The following CHEK1 variants were observed in gnomAD, a reference collection of about 807,000 sequenced individuals.
CHEK1 encodes serine/threonine-protein kinase Chk1.
Under a neutral mutation model 60.2 loss-of-function variants are expected in CHEK1, and 32 were observed. The observed-to-expected ratio is 0.53, with a 90% CI of 0.40 to 0.71. The LOEUF (loss-of-function observed/expected upper bound fraction) is 0.71, where lower values mean the gene tolerates loss of function less well. Among genes scored for constraint, CHEK1 ranks in the 30% least tolerant of loss-of-function variants. The probability of loss-of-function intolerance (pLI) is 0.00; values close to 1 mark genes in which losing one functional copy is unlikely to be tolerated. For missense variants in CHEK1, 399 were observed against 564.6 expected, an observed-to-expected ratio of 0.71 and a Z score of 2.97; for synonymous variants, 179 against 187.2, an observed-to-expected ratio of 0.96 and a Z score of 0.36.
downstream of CHEK1, among the ~76,000 whole-genome samples, chr11:125,657,996 A>G (rs1399735557): frequency 6.6e-6 from 1 of 152,226 alleles, no homozygotes; most frequent in African/African-American, 2.4e-5. Context: ...TAGCAACAGA[A>G]TGTATTTCTA....
intron 13 of CHEK1, among the ~76,000 whole-genome samples, chr11:125,665,260 T>A (rs1451116093): frequency 5.3e-5 from 8 of 151,234 alleles, no homozygotes; most frequent in Non-Finnish European, 4.4e-5. Flanking sequence ...TCCTTGATTC[T>A]ATTGATGTTG....
At chr11:125,632,077 G>A (rs558997939) in intron 5 of CHEK1, among the ~76,000 whole-genome samples, 140 of 152,084 alleles carry the variant, frequency 9.2e-4, no homozygotes, top group African/African-American at 3.3e-3. Context: ...TATAAAAATT[G>A]CGTCATGCTA....
rs540396119 is a variant in CHEK1, at chr11:125,626,852, G to A, written c.65+19G>A. ...ATGGAGAGTGAGTTCTTTTAAGCTT[G>A]CCTTCGTTTTCTGAGTGCATATTCA... On this transcript the variant is annotated intron_variant, in intron 2 of 12. Coordinates refer to ENST00000438015, the MANE Select transcript of CHEK1 (RefSeq NM_001114122.3). 5.4e-5 allele frequency: 87 copies of A among 1,613,792 alleles called. No homozygotes were observed. The highest frequency in any genetic ancestry group is 4.9e-4 in the East Asian group (22 of 44,876).
chr11:125,636,141 A>G (rs1941067051), intron 7 of CHEK1: 1 of 152,308 alleles, frequency 6.6e-6, no homozygotes, highest in African/African-American at 2.4e-5. Flanking sequence ...TGACTGAAAC[A>G]TCATTAATGT....
intron 3 of CHEK1, 36 bp downstream of exon 3, chr11:125,627,866 G>T: frequency 6.9e-7 from 1 of 1,440,990 alleles, no homozygotes; most frequent in Non-Finnish European, 9.3e-7. Context: ...TTTTAAACAA[G>T]TTTTTAAATT....
chr11:125,647,104 C>T lies in CHEK1; in HGVS notation c.1233+2461C>T, dbSNP rs559639181. On this transcript the variant is annotated intron_variant, in intron 11 of 12. Transcript: ENST00000438015. Reference sequence around the variant, plus strand: ...TTAGGAGTCCCAGCCTCCTAAGTAGCGGGGACTACAGTCTTAAAGTTTAGC... The same window carrying T: ...TTAGGAGTCCCAGCCTCCTAAGTAGTGGGGACTACAGTCTTAAAGTTTAGC... 1.3e-4 allele frequency among the ~76,000 whole-genome samples: 20 copies of T among 152,174 alleles called. No individual in the cohort carries two copies. In the Middle Eastern group the frequency reaches 0.014, roughly 104 times the overall value.
chr11:125,643,765 A>C (rs752271481), intron 8 of CHEK1, 27 bp from the exon 9 acceptor site: 3 of 1,574,920 alleles, frequency 1.9e-6, no homozygotes, highest in Non-Finnish European at 2.6e-6. Context: ...AAGACTTGAA[A>C]GCATTTGTAT....
At chr11:125,626,082 G>A (rs1940584288) in intron 1 of CHEK1, 70 bp downstream of exon 1, 2 of 666,730 alleles carry the variant, frequency 3.0e-6, no homozygotes, top group African/African-American at 1.8e-5. Flanking sequence ...ATTAGTGAGG[G>A]AGGGCATGGT....
At chr11:125,672,240 C>A (rs74524543) in intron 13 of CHEK1, 14,061 of 193,746 alleles carry the variant, frequency 0.073, 631 homozygotes, top group African/African-American at 0.13. Flanking sequence ...AATGCTTAAA[C>A]AATGCACCCA....
intron 5 of CHEK1, among the ~76,000 whole-genome samples, chr11:125,632,122 T>C (rs1025128440): frequency 2.6e-5 from 4 of 152,202 alleles, no homozygotes; most frequent in Admixed American, 2.6e-4. Flanking sequence ...TTTTATGCCA[T>C]TAGCCTTTTT....
downstream of CHEK1, among the ~76,000 whole-genome samples, chr11:125,677,302 G>A (rs964596894): frequency 2.0e-5 from 3 of 152,156 alleles, no homozygotes; most frequent in Non-Finnish European, 4.4e-5. Context: ...ACTAGCAGTT[G>A]TCCTAGGAAC....
downstream of CHEK1, among the ~76,000 whole-genome samples, chr11:125,659,599 TTA>T (rs1394654247): frequency 1.3e-5 from 2 of 152,184 alleles, no homozygotes; most frequent in Non-Finnish European, 2.9e-5. Flanking sequence ...TCTCAGATCT[TTA>T]TATGATTTAT....
chr11:125,671,504 A>G (rs1297124731), intron 13 of CHEK1: 1 of 152,196 alleles, frequency 6.6e-6, no homozygotes, highest in Non-Finnish European at 1.5e-5. Context: ...TGTTAGCAAT[A>G]TATTTTGGGG....
chr11:125,632,081 C>CATGCTATAATATTTTTT (rs1392084703), intron 5 of CHEK1, among the ~76,000 whole-genome samples: 1 of 152,012 alleles, frequency 6.6e-6, no homozygotes, highest in Non-Finnish European at 1.5e-5. Flanking sequence ...AAAATTGCGT[C>CATGCTATAATATTTTTT]ATGCTATAAT....
chr11:125,676,933 G>A (rs1942539736), downstream of CHEK1, among the ~76,000 whole-genome samples: 1 of 150,334 alleles, frequency 6.7e-6, no homozygotes, highest in Non-Finnish European at 1.5e-5. Flanking sequence ...TGTGAAGAGT[G>A]TGTCCTTCTC....
Position 125,627,753 on chromosome 11 carries a change from A to T in CHEK1, c.212A>T (p.Tyr71Phe), listed in dbSNP as rs141665265. 1 of 1,613,564 alleles carries T rather than the reference A, an allele frequency of 6.2e-7. No homozygotes were observed. Among genetic ancestry groups the T allele is most frequent in the Admixed American group, 1.7e-5 (1 of 60,028 alleles). Reference sequence around the variant, plus strand: ...AATCATGAAAATGTAGTAAAATTCTATGGTCACAGGAGAGAAGGCAATATC... The same window carrying T: ...AATCATGAAAATGTAGTAAAATTCTTTGGTCACAGGAGAGAAGGCAATATC... ...MLNHENVVKF[Y>F]GHRREGNIQY... Residue 71 changes from tyrosine (Y) to phenylalanine (F), a missense_variant, in exon 3 of 13, where the codon TAT becomes TTT. Physicochemically the swap from Tyr to Phe is conservative, Grantham distance 22. Around this residue, in one of 2 missense-constraint regions of CHEK1, gnomAD observed 370 missense variants for 494.8 expected, o/e 0.75. Coordinates refer to ENST00000438015, the MANE Select transcript of CHEK1 (RefSeq NM_001114122.3).
chr11:125,661,143 C>T (rs77000046), downstream of CHEK1, among the ~76,000 whole-genome samples: 12,019 of 152,132 alleles, frequency 0.079, 568 homozygotes, highest in African/African-American at 0.13. Flanking sequence ...TTTTAATTAT[C>T]TTAAAAATCC....
At chr11:125,654,057 G>A (rs1214198993) in intron 12 of CHEK1, among the ~76,000 whole-genome samples, 1 of 152,000 alleles carries the variant, frequency 6.6e-6, no homozygotes, top group Non-Finnish European at 1.5e-5. Context: ...TTTGCCAGGC[G>A]TGGTGGCTCA....
At chr11:125,645,998 C>A (rs1321215456) in intron 11 of CHEK1, among the ~76,000 whole-genome samples, 1 of 152,100 alleles carries the variant, frequency 6.6e-6, no homozygotes, top group African/African-American at 2.4e-5. Flanking sequence ...AGAATCATCA[C>A]TTTAACCATT....
Sources: allele counts gnomAD v4.1 joint callset (sites outside exome capture counted in the v4.1 genomes callset), GRCh38; gene constraint gnomAD v4.1.1; regional missense constraint gnomAD v4.1.1; transcripts MANE v1.5; gene names NCBI Gene and HGNC (gene_info 2026-07-23, HGNC 2026-07-21).